Variants in SIPA1L1 observed in about 807,000 individuals in gnomAD.
SIPA1L1 encodes signal-induced proliferation-associated 1-like protein 1.
SIPA1L1 carries 26 observed loss-of-function variants against 162.7 expected under a neutral mutation model. The observed-to-expected ratio is 0.16, with a 90% CI of 0.12 to 0.22. The LOEUF (loss-of-function observed/expected upper bound fraction) is 0.22, where lower values mean the gene tolerates loss of function less well. SIPA1L1 is among the 10% of genes least tolerant of loss of function. SIPA1L1 has a pLI of 1.00. For synonymous variants in SIPA1L1, 829 were observed against 837.4 expected, an observed-to-expected ratio of 0.99 and a Z score of 0.17; for missense variants, 1,874 against 2,241.0, an observed-to-expected ratio of 0.84 and a Z score of 3.31.
intron 2 of SIPA1L1, among the ~76,000 whole-genome samples, chr14:71,332,133 G>A (rs2034616584): frequency 6.6e-6 from 1 of 152,178 alleles, no homozygotes; most frequent in African/African-American, 2.4e-5. Flanking sequence ...GTGACCAAAT[G>A]AATTTGTATC....
intron 2 of SIPA1L1, among the ~76,000 whole-genome samples, chr14:71,398,681 G>A (rs1354483932): frequency 5.3e-5 from 8 of 152,214 alleles, no homozygotes; most frequent in Admixed American, 3.9e-4. Context: ...AGGCACCTGA[G>A]TTCCCTGGCT....
chr14:71,699,176 C>G (rs769455564), intron 14 of SIPA1L1, 49 bp downstream of exon 14: 2 of 1,566,066 alleles, frequency 1.3e-6, no homozygotes, highest in African/African-American at 2.7e-5. Flanking sequence ...GGCATCATTT[C>G]TTTCATCTGT....
intron 2 of SIPA1L1, among the ~76,000 whole-genome samples, chr14:71,485,491 C>T (rs530351221): frequency 6.6e-6 from 1 of 151,874 alleles, no homozygotes; most frequent in Non-Finnish European, 1.5e-5. Flanking sequence ...GTGAACTGTG[C>T]ATGTGAGGGA....
At chr14:71,330,813 C>A in intron 2 of SIPA1L1, 1 of 660,208 alleles carries the variant, frequency 1.5e-6, no homozygotes, top group Non-Finnish European at 2.8e-6. Context: ...ACTCCATATT[C>A]TAGATATTAA....
chr14:71,650,905 T>C (rs1424911716), intron 8 of SIPA1L1, among the ~76,000 whole-genome samples: 1 of 152,216 alleles, frequency 6.6e-6, no homozygotes, highest in Non-Finnish European at 1.5e-5. Flanking sequence ...ATAGTCTTCA[T>C]GTTTATCTAT....
At chr14:71,375,884 A>G (rs930126667) in intron 2 of SIPA1L1, among the ~76,000 whole-genome samples, 8 of 152,134 alleles carry the variant, frequency 5.3e-5, no homozygotes, top group Non-Finnish European at 8.8e-5. Flanking sequence ...TGATTTTTAA[A>G]TGTTAAACCA....
At chr14:71,551,310 C>A (rs951536068) in intron 4 of SIPA1L1, among the ~76,000 whole-genome samples, 1 of 152,162 alleles carries the variant, frequency 6.6e-6, no homozygotes, top group Non-Finnish European at 1.5e-5. Context: ...ACACTGAAGT[C>A]TCACATTCTA....
intron 2 of SIPA1L1, among the ~76,000 whole-genome samples, chr14:71,504,969 G>A (rs1369817288): frequency 6.6e-6 from 1 of 152,062 alleles, no homozygotes; most frequent in African/African-American, 2.4e-5. Flanking sequence ...GTGCTTTTTG[G>A]GAGCAATGAA....
chr14:71,458,148 G>GT (rs2046324482), intron 2 of SIPA1L1, among the ~76,000 whole-genome samples: 1 of 151,594 alleles, frequency 6.6e-6, no homozygotes, highest in South Asian at 2.1e-4. Context: ...ATTTTTCTTT[G>GT]TTTTCTTTTG....
At chr14:71,524,863 G>T (rs975152551) in intron 3 of SIPA1L1, among the ~76,000 whole-genome samples, 1 of 152,170 alleles carries the variant, frequency 6.6e-6, no homozygotes, top group Non-Finnish European at 1.5e-5. Context: ...CTCTCCCTCT[G>T]CCTAGAGTGA....
At chr14:71,460,050 TCAA>T (rs770234438) in intron 2 of SIPA1L1, among the ~76,000 whole-genome samples, 130 of 152,254 alleles carry the variant, frequency 8.5e-4, no homozygotes, top group Non-Finnish European at 1.6e-3. Flanking sequence ...TGATATGAAG[TCAA>T]TAAATCTTAT....
Position 71,421,141 on chromosome 14 carries a change from A to G in SIPA1L1, c.-464-91602A>G, listed in dbSNP as rs950667109. On this transcript the variant is annotated intron_variant, in intron 2 of 23. Coordinates refer to ENST00000381232, the MANE Select transcript of SIPA1L1 (RefSeq NM_001386936.1). ...GATATGTTTTAAAAGCAAAATTAAG[A>G]TCATATTGCGCATACTGTTTTATGA... Among the ~76,000 whole-genome samples the G allele has an allele frequency of 4.6e-5, 7 of 152,324 alleles. No individual in the cohort carries two copies. In the East Asian group the frequency reaches 1.3e-3, roughly 29 times the overall value.
At chr14:71,579,946 T>C (rs1413162825) in intron 4 of SIPA1L1, among the ~76,000 whole-genome samples, 1 of 152,194 alleles carries the variant, frequency 6.6e-6, no homozygotes, top group African/African-American at 2.4e-5. Context: ...TCCAGTTAGA[T>C]AATAGAGACT....
At chr14:71,494,402 A>G (rs2049546307) in intron 2 of SIPA1L1, among the ~76,000 whole-genome samples, 1 of 151,680 alleles carries the variant, frequency 6.6e-6, no homozygotes, top group South Asian at 2.1e-4. Context: ...CTTTATTAAT[A>G]TGTTGTATTA....
At chr14:71,636,059 GA>G (rs1280517011) in intron 7 of SIPA1L1, among the ~76,000 whole-genome samples, 3 of 152,028 alleles carry the variant, frequency 2.0e-5, no homozygotes. Flanking sequence ...AAATGTGAAG[GA>G]AAAAAACTGA....
chr14:71,429,040 C>G (rs562331925), intron 2 of SIPA1L1, among the ~76,000 whole-genome samples: 7 of 152,300 alleles, frequency 4.6e-5, no homozygotes, highest in African/African-American at 1.7e-4. Context: ...AAGACAGATT[C>G]CTGATACTTG....
rs1269678261 is a variant in SIPA1L1 at position 71,442,447 on chromosome 14, T to A, written c.-464-70296T>A. ...CCTGGCAACTTGGAATTTATTTTTT[T>A]AAATTATAGTAATTAACATGAAAAA... On this transcript the variant is annotated intron_variant, in intron 2 of 23. Coordinates refer to ENST00000381232, the MANE Select transcript of SIPA1L1 (RefSeq NM_001386936.1). 3.9e-5 allele frequency among the ~76,000 whole-genome samples: 6 copies of A among 152,174 alleles called. No homozygotes were observed. In the South Asian group the frequency reaches 1.2e-3, roughly 31 times the overall value.
intron 12 of SIPA1L1, among the ~76,000 whole-genome samples, chr14:71,678,844 A>G (rs923340467): frequency 4.6e-5 from 7 of 151,964 alleles, no homozygotes; most frequent in South Asian, 2.1e-4. Flanking sequence ...CAGGGATTCA[A>G]CTTCTTCCTG....
intron 2 of SIPA1L1, among the ~76,000 whole-genome samples, chr14:71,356,579 A>AAAAAAAAAAAAAAAAAAAAAAAAAAAC (rs1302917247): frequency 2.1e-5 from 3 of 143,848 alleles, no homozygotes; most frequent in African/African-American, 2.5e-5. Flanking sequence ...AAAAAAAAAA[A>AAAAAAAAAAAAAAAAAAAAAAAAAAAC]AAAAAAAAGC....
Sources: gnomAD v4.1 joint callset for allele counts (sites outside exome capture counted in the v4.1 genomes callset) on GRCh38, gnomAD v4.1.1 for gene constraint, MANE v1.5 for transcripts, NCBI Gene and HGNC (gene_info 2026-07-23, HGNC 2026-07-21) for gene names.